The following DPYD variants were observed in gnomAD, a reference collection of about 807,000 sequenced individuals.
DPYD encodes the protein dihydropyrimidine dehydrogenase [NADP(+)].
DPYD carries 109 observed loss-of-function variants against 116.2 expected under a neutral mutation model. That is an observed-to-expected ratio of 0.94 (90% CI 0.80 to 1.10). The LOEUF (loss-of-function observed/expected upper bound fraction) is 1.10, where lower values mean the gene tolerates loss of function less well. Ranked by LOEUF, DPYD falls within the 50% of genes least tolerant of loss-of-function variation. DPYD has a pLI of 0.00. For missense variants in DPYD, 1,302 were observed against 1,254.5 expected (o/e 1.04, Z -0.57); for synonymous variants, 440 against 432.0 (o/e 1.02, Z -0.23).
chr1:97,447,515 G>T lies in DPYD; in HGVS notation c.1905+2544C>A, dbSNP rs59765325. 6.6e-3 allele frequency among the ~76,000 whole-genome samples: 1,004 copies of T among 152,238 alleles called. 13 individuals are homozygous for T. The highest frequency in any genetic ancestry group is 0.023 in the African/African-American group (959 of 41,530). ...TTCGATATGAGGAGTAAAAATGTTA[G>T]AAATTAGTTCTAGGAATACAGAAAA... On this transcript the variant is annotated intron_variant, in intron 14 of 22. Coordinates refer to ENST00000370192, the MANE Select transcript of DPYD (RefSeq NM_000110.4).
intron 20 of DPYD, among the ~76,000 whole-genome samples, chr1:97,134,014 AATATAT>A (rs1165027630): frequency 0.029 from 541 of 18,370 alleles, 4 homozygotes; most frequent in Non-Finnish European, 0.039. Context: ...AAAAAAAAAA[AATATAT>A]ATATATATAT....
chr1:97,163,588 T>C (rs992418431), intron 20 of DPYD, among the ~76,000 whole-genome samples: 1 of 152,108 alleles, frequency 6.6e-6, no homozygotes, highest in Non-Finnish European at 1.5e-5. Flanking sequence ...AGGTTTGGTA[T>C]TGGGAGTTTG....
intron 14 of DPYD, among the ~76,000 whole-genome samples, chr1:97,398,050 A>T (rs1231444242): frequency 2.0e-5 from 3 of 152,032 alleles, no homozygotes; most frequent in Non-Finnish European, 4.4e-5. Context: ...GCACCCATTA[A>T]ATCATCATTT....
chr1:97,255,057 T>C (rs893458432), intron 18 of DPYD, among the ~76,000 whole-genome samples: 16 of 152,168 alleles, frequency 1.1e-4, no homozygotes, highest in African/African-American at 3.6e-4. Flanking sequence ...TCTTAAGTCA[T>C]TCTGAGAGTT....
At chr1:97,708,213 A>G (rs1173054201) in intron 5 of DPYD, among the ~76,000 whole-genome samples, 3 of 152,072 alleles carry the variant, frequency 2.0e-5, no homozygotes, top group Admixed American at 2.0e-4. Context: ...TTGTACCTAA[A>G]AAGTCATTGT....
At chr1:97,896,362 G>A (rs888604921) in intron 1 of DPYD, among the ~76,000 whole-genome samples, 4 of 151,718 alleles carry the variant, frequency 2.6e-5, no homozygotes, top group Non-Finnish European at 4.4e-5. Context: ...GAAACATTCA[G>A]CTACCCACTG....
intron 1 of DPYD, among the ~76,000 whole-genome samples, chr1:97,894,498 T>C (rs1302096731): frequency 3.3e-5 from 5 of 151,780 alleles, no homozygotes; most frequent in Non-Finnish European, 7.4e-5. Context: ...AATGGTACCA[T>C]GTTGACTGTA....
At chr1:97,867,951 T>C (rs1671469145) in intron 2 of DPYD, among the ~76,000 whole-genome samples, 1 of 151,786 alleles carries the variant, frequency 6.6e-6, no homozygotes, top group Admixed American at 6.6e-5. Flanking sequence ...GCAGGTGACA[T>C]GGTCTTATGT....
At chr1:97,721,698 T>G in intron 4 of DPYD, 27 bp from the exon 5 acceptor site, 25 of 1,602,026 alleles carry the variant, frequency 1.6e-5, no homozygotes, top group Non-Finnish European at 2.0e-5. Context: ...AAATAAAATT[T>G]TACTACTTAA....
intron 1 of DPYD, among the ~76,000 whole-genome samples, chr1:97,919,442 T>C (rs1050194022): frequency 8.5e-5 from 13 of 152,170 alleles, no homozygotes; most frequent in African/African-American, 3.1e-4. Context: ...CGAAGACAAC[T>C]GCAGAGAAAG....
chr1:97,837,215 T>C (rs1424754939), intron 2 of DPYD, among the ~76,000 whole-genome samples: 6 of 152,146 alleles, frequency 3.9e-5, no homozygotes, highest in Non-Finnish European at 8.8e-5. Context: ...TTCTTTGGCA[T>C]GTAATCCTCT....
chr1:97,322,597 A>G (rs1018619116), intron 16 of DPYD: 4 of 151,916 alleles, frequency 2.6e-5, no homozygotes, highest in African/African-American at 7.3e-5. Flanking sequence ...GCAATCTTGA[A>G]CCTAAAAATC....
At chr1:97,314,090 T>A (rs1318076682) in intron 16 of DPYD, among the ~76,000 whole-genome samples, 2 of 151,976 alleles carry the variant, frequency 1.3e-5, no homozygotes, top group Non-Finnish European at 2.9e-5. Context: ...AACAGTCTTT[T>A]GATGCTCTCC....
At chr1:97,505,372 C>T (rs1052902862) in intron 13 of DPYD, among the ~76,000 whole-genome samples, 6 of 151,716 alleles carry the variant, frequency 4.0e-5, no homozygotes, top group Non-Finnish European at 8.8e-5. Flanking sequence ...TACATATGCT[C>T]GGTTCTCTCA....
intron 16 of DPYD, among the ~76,000 whole-genome samples, chr1:97,349,856 A>G (rs2101314266): frequency 6.6e-6 from 1 of 151,736 alleles, no homozygotes; most frequent in Admixed American, 6.6e-5. Flanking sequence ...CTTTGGGTAT[A>G]TACCCAGTAA....
chr1:97,100,651 G>A (rs1407079366), intron 20 of DPYD, among the ~76,000 whole-genome samples: 1 of 151,986 alleles, frequency 6.6e-6, no homozygotes, highest in African/African-American at 2.4e-5. Context: ...AATCATTCTT[G>A]CAACCTTTTA....
intron 16 of DPYD, among the ~76,000 whole-genome samples, chr1:97,372,129 G>A (rs1671342684): frequency 1.3e-5 from 2 of 152,250 alleles, no homozygotes; most frequent in Admixed American, 6.5e-5. Context: ...AATAATTGTC[G>A]TATTTGTGGT....
At chr1:97,318,379 G>A (rs553058495) in intron 16 of DPYD, among the ~76,000 whole-genome samples, 2 of 137,844 alleles carry the variant, frequency 1.5e-5, no homozygotes, top group Non-Finnish European at 1.6e-5. Flanking sequence ...TAAAAGGATG[G>A]AGGAAGATCT....
At chr1:97,606,141 G>T (rs1655580076) in intron 8 of DPYD, among the ~76,000 whole-genome samples, 1 of 151,982 alleles carries the variant, frequency 6.6e-6, no homozygotes, top group Admixed American at 6.6e-5. Context: ...TAAGAATCAT[G>T]AGGACAATCA....
Sources: allele counts gnomAD v4.1 joint callset (sites outside exome capture counted in the v4.1 genomes callset), GRCh38; gene constraint gnomAD v4.1.1; transcripts MANE v1.5; gene names NCBI Gene and HGNC (gene_info 2026-07-23, HGNC 2026-07-21).